AMBRA1: variants seen among roughly 807,000 people sequenced by gnomAD.
The protein encoded by AMBRA1 is autophagy and beclin 1 regulator 1.
Under a neutral mutation model 125.4 loss-of-function variants are expected in AMBRA1, and 47 were observed. The ratio of observed to expected loss-of-function variants is 0.37; its 90% CI spans 0.30 to 0.48. AMBRA1 has a LOEUF of 0.48. Among genes scored for constraint, AMBRA1 ranks in the 20% least tolerant of loss-of-function variants. AMBRA1 has a pLI of 0.99. For synonymous variants in AMBRA1, 626 were observed against 655.5 expected (o/e 0.95, Z 0.69); for missense variants, 1,331 against 1,693.4 (o/e 0.79, Z 3.76).
chr11:46,471,592 T>C (rs1269724241), intron 11 of AMBRA1, among the ~76,000 whole-genome samples: 1 of 151,342 alleles, frequency 6.6e-6, no homozygotes, highest in African/African-American at 2.4e-5. Context: ...ATTTTGGCAT[T>C]TCCCCCAAAA....
intron 11 of AMBRA1, among the ~76,000 whole-genome samples, chr11:46,468,921 A>T (rs570264183): frequency 2.6e-5 from 4 of 152,136 alleles, no homozygotes; most frequent in African/African-American, 7.2e-5. Context: ...AGGCAGGTGG[A>T]TCACCTGAAG....
chr11:46,420,013 C>CACACACACACACACACACAA (rs1946771635), intron 14 of AMBRA1, among the ~76,000 whole-genome samples: 13 of 151,990 alleles, frequency 8.6e-5, no homozygotes, highest in Admixed American at 8.5e-4. Flanking sequence ...CACACACACA[C>CACACACACACACACACACAA]ACACACACTC....
intron 7 of AMBRA1, among the ~76,000 whole-genome samples, chr11:46,523,455 G>A (rs961076660): frequency 6.6e-5 from 10 of 152,074 alleles, no homozygotes; most frequent in Admixed American, 5.9e-4. Context: ...AAAAAGATTC[G>A]CACATTAACG....
intron 1 of AMBRA1, among the ~76,000 whole-genome samples, chr11:46,554,670 T>C (rs754440743): frequency 3.3e-5 from 5 of 152,174 alleles, no homozygotes; most frequent in Admixed American, 6.5e-5. Flanking sequence ...TTTTACTCTG[T>C]TCCCTGTAAA....
At chr11:46,584,543 AAAAC>A (rs1340179241) in intron 1 of AMBRA1, among the ~76,000 whole-genome samples, 1 of 151,824 alleles carries the variant, frequency 6.6e-6, no homozygotes, top group Admixed American at 6.6e-5. Flanking sequence ...AAAAAGAAAA[AAAAC>A]AAAAAAAACA....
At chr11:46,470,775 A>G (rs548817095) in intron 11 of AMBRA1, among the ~76,000 whole-genome samples, 1 of 152,042 alleles carries the variant, frequency 6.6e-6, no homozygotes, top group East Asian at 1.9e-4. Context: ...AAATAAAATA[A>G]AAAGCTCCCA....
intron 7 of AMBRA1, among the ~76,000 whole-genome samples, chr11:46,524,830 A>G (rs73449906): frequency 0.012 from 1,779 of 152,354 alleles, 42 homozygotes; most frequent in African/African-American, 0.041. Flanking sequence ...AAGGGTGAAT[A>G]CTATAAAGGT....
At chr11:46,580,798 ATTG>A (rs1412033417) in intron 1 of AMBRA1, among the ~76,000 whole-genome samples, 1 of 151,790 alleles carries the variant, frequency 6.6e-6, no homozygotes, top group Admixed American at 6.6e-5. Flanking sequence ...TGCTGTTGTT[ATTG>A]TTGTTTTGGA....
intron 6 of AMBRA1, 113 bp downstream of exon 6, chr11:46,543,862 G>T: frequency 1.1e-6 from 1 of 883,598 alleles, no homozygotes; most frequent in Non-Finnish European, 1.8e-6. Flanking sequence ...ATCTTGACTG[G>T]AAAGATAAGA....
intron 14 of AMBRA1, among the ~76,000 whole-genome samples, chr11:46,432,105 T>C (rs1292094280): frequency 6.6e-6 from 1 of 152,208 alleles, no homozygotes; most frequent in Non-Finnish European, 1.5e-5. Flanking sequence ...AGGTTCCGCA[T>C]GAAGTTCTTG....
At chr11:46,422,608 CCTT>C (rs1458989490) in intron 14 of AMBRA1, among the ~76,000 whole-genome samples, 2 of 151,986 alleles carry the variant, frequency 1.3e-5, no homozygotes, top group East Asian at 1.9e-4. Context: ...CAGCGGGAAA[CCTT>C]CTTCTCCATC....
chr11:46,429,847 C>T (rs945377265), intron 14 of AMBRA1, among the ~76,000 whole-genome samples: 4 of 152,002 alleles, frequency 2.6e-5, no homozygotes, highest in African/African-American at 9.7e-5. Flanking sequence ...GCTCAGCAGT[C>T]TCTAAAAGCT....
chr11:46,437,697 C>T (rs527259976), intron 12 of AMBRA1, among the ~76,000 whole-genome samples: 10 of 152,304 alleles, frequency 6.6e-5, no homozygotes, highest in African/African-American at 1.9e-4. Flanking sequence ...TGAGTTAATT[C>T]ATACAGGAAG....
chr11:46,467,611 C>T (rs1168940945), intron 11 of AMBRA1, among the ~76,000 whole-genome samples: 7 of 150,242 alleles, frequency 4.7e-5, no homozygotes, highest in Non-Finnish European at 5.9e-5. Context: ...TGCACTGGCA[C>T]GATCTCAGCT....
At chr11:46,587,172 G>A (rs1296102459) in intron 1 of AMBRA1, among the ~76,000 whole-genome samples, 2 of 152,110 alleles carry the variant, frequency 1.3e-5, no homozygotes, top group Non-Finnish European at 2.9e-5. Flanking sequence ...CTAAAGTCAG[G>A]AGTTCGAGAT....
In AMBRA1 at chr11:46,489,424, G is replaced by A. The variant is rs1329380534; in HGVS notation, c.2521+4184C>T. Among the ~76,000 whole-genome samples, 4 of 152,130 alleles carry A rather than the reference G, an allele frequency of 2.6e-5. 1 individual carries two copies. Among genetic ancestry groups the A allele is most frequent in the Admixed American group, 2.0e-4 (3 of 15,272 alleles). ...CTCCCAAAGTGCTGGGATTACAGGCGTGAGCCACCGCACCTGGCCAGTTTT... is the reference window on the plus strand; with the variant it reads ...CTCCCAAAGTGCTGGGATTACAGGCATGAGCCACCGCACCTGGCCAGTTTT... On this transcript the variant is annotated intron_variant, in intron 11 of 17. Coordinates refer to ENST00000683756, the MANE Select transcript of AMBRA1 (RefSeq NM_001387011.1).
intron 17 of AMBRA1, among the ~76,000 whole-genome samples, chr11:46,401,769 C>G (rs1295431318): frequency 6.6e-6 from 1 of 152,226 alleles, no homozygotes; most frequent in African/African-American, 2.4e-5. Flanking sequence ...CCAGTCTCCT[C>G]CCCTTCCGTC....
rs1371675246 is a variant in AMBRA1 at position 46,418,062 on chromosome 11, G to A, written c.2977-10C>T. 3 of 1,526,796 alleles carry A rather than the reference G, an allele frequency of 2.0e-6. No individual in the cohort carries two copies. Among genetic ancestry groups the A allele is most frequent in the Admixed American group, 1.8e-5 (1 of 56,124 alleles). The allele number at this position is 1,526,796 out of a possible 1,614,324, so 94.6% of individuals were successfully genotyped here. A position where few individuals can be genotyped will look rare whatever the true frequency, so the allele number is the denominator to read the frequency against. ...GGACGTTGAAAACTCTCTAGGTAGAGGAAAAGAGGGAAAAAAAGAGAATGG... is the reference window on the plus strand; with the variant it reads ...GGACGTTGAAAACTCTCTAGGTAGAAGAAAAGAGGGAAAAAAAGAGAATGG... On this transcript the variant is annotated splice_polypyrimidine_tract_variant and intron_variant, in intron 14 of 17. Transcript: ENST00000683756.
chr11:46,413,787 G>A (rs959286517), intron 15 of AMBRA1, among the ~76,000 whole-genome samples: 7 of 152,144 alleles, frequency 4.6e-5, no homozygotes, highest in Admixed American at 6.5e-5. Context: ...CACCATGCCC[G>A]GCCTGAAACT....
Sources: allele counts gnomAD v4.1 joint callset (sites outside exome capture counted in the v4.1 genomes callset), GRCh38; gene constraint gnomAD v4.1.1; transcripts MANE v1.5; gene names NCBI Gene and HGNC (gene_info 2026-07-23, HGNC 2026-07-21).